Variants in FER observed in about 807,000 individuals in gnomAD.
FER encodes the protein FER tyrosine kinase.
A neutral mutation model predicts 111.0 loss-of-function variants in FER; 63 were observed. The ratio of observed to expected loss-of-function variants is 0.57; its 90% CI spans 0.46 to 0.70. FER has a LOEUF of 0.70. Ranked by LOEUF, FER falls within the 30% of genes least tolerant of loss-of-function variation. The pLI is 0.00. For synonymous variants in FER, 327 were observed against 313.9 expected, an observed-to-expected ratio of 1.04 and a Z score of -0.44; for missense variants, 914 against 954.0, an observed-to-expected ratio of 0.96 and a Z score of 0.55.
chr5:109,102,363 C>T lies in FER; in HGVS notation c.2048+1844C>T, dbSNP rs563522417. 1.3e-4 allele frequency among the ~76,000 whole-genome samples: 20 copies of T among 152,120 alleles called. 1 individual carries two copies. The highest frequency in any genetic ancestry group is 3.4e-3 in the Middle Eastern group (1 of 294). Reference sequence around the variant, plus strand: ...ACATCTTGAACAATGTCAGTGAGAGCGGGTTTGACAAATAGGTTTCAACAC... The same window carrying T: ...ACATCTTGAACAATGTCAGTGAGAGTGGGTTTGACAAATAGGTTTCAACAC... On this transcript the variant is annotated intron_variant, in intron 17 of 19. Coordinates refer to ENST00000281092, the MANE Select transcript of FER (RefSeq NM_005246.4).
chr5:108,911,293 C>T (rs947144637), intron 10 of FER, among the ~76,000 whole-genome samples: 2 of 151,818 alleles, frequency 1.3e-5, no homozygotes, highest in East Asian at 1.9e-4. Flanking sequence ...GTGTTCATGT[C>T]GTTTGCCCAC....
chr5:109,130,252 T>C (rs1752214529), intron 17 of FER, among the ~76,000 whole-genome samples: 1 of 152,074 alleles, frequency 6.6e-6, no homozygotes, highest in African/African-American at 2.4e-5. Flanking sequence ...ATGTGACATA[T>C]AATAATTTGA....
intron 10 of FER, 84 bp downstream of exon 10, chr5:108,897,932 A>G (rs891099663): frequency 3.2e-6 from 4 of 1,240,080 alleles, no homozygotes; most frequent in East Asian, 2.6e-5. Context: ...TAAATTTGCT[A>G]TAACAAATTG....
At chr5:109,060,443 T>A (rs186491560) in intron 16 of FER, among the ~76,000 whole-genome samples, 1 of 152,224 alleles carries the variant, frequency 6.6e-6, no homozygotes. Context: ...AATAATACTT[T>A]GGGAGGCTGA....
chr5:109,181,787 A>G (rs1042850143), intron 18 of FER, among the ~76,000 whole-genome samples: 9 of 152,328 alleles, frequency 5.9e-5, no homozygotes, highest in Admixed American at 6.5e-5. Context: ...ATTACTTTAA[A>G]GTGAACAATC....
intron 5 of FER, among the ~76,000 whole-genome samples, chr5:108,839,767 T>C (rs1179067874): frequency 2.0e-5 from 3 of 151,738 alleles, no homozygotes; most frequent in Non-Finnish European, 2.9e-5. Flanking sequence ...TTAGTAGAGA[T>C]GGGGTTTCAC....
intron 13 of FER, among the ~76,000 whole-genome samples, chr5:108,974,151 C>T (rs1761028839): frequency 6.6e-6 from 1 of 152,044 alleles, no homozygotes; most frequent in Admixed American, 6.6e-5. Context: ...ATATTAGGTA[C>T]TGAGGATACA....
At chr5:109,138,856 A>G (rs576451404) in intron 17 of FER, among the ~76,000 whole-genome samples, 75 of 152,192 alleles carry the variant, frequency 4.9e-4, no homozygotes, top group Non-Finnish European at 9.4e-4. Context: ...ATTCAAAAAC[A>G]TTTTCAGAAA....
chr5:108,914,257 G>T (rs73781496), intron 10 of FER, among the ~76,000 whole-genome samples: 5 of 152,056 alleles, frequency 3.3e-5, no homozygotes, highest in Admixed American at 3.3e-4. Context: ...GTGTGTGTGT[G>T]TGTGTATGTG....
chr5:108,844,963 T>G (rs1458375067), intron 5 of FER, among the ~76,000 whole-genome samples: 2 of 128,086 alleles, frequency 1.6e-5, no homozygotes, highest in Non-Finnish European at 3.3e-5. Flanking sequence ...TAAAATGACA[T>G]TTTTGGATTG....
At chr5:109,131,186 A>T (rs1363258637) in intron 17 of FER, among the ~76,000 whole-genome samples, 2 of 152,158 alleles carry the variant, frequency 1.3e-5, no homozygotes, top group Admixed American at 6.6e-5. Flanking sequence ...AAATTGTAGG[A>T]TTATTTAGCA....
At chr5:108,866,851 T>A (rs1764119214) in intron 5 of FER, among the ~76,000 whole-genome samples, 1 of 152,180 alleles carries the variant, frequency 6.6e-6, no homozygotes, top group South Asian at 2.1e-4. Flanking sequence ...AATTTTCATT[T>A]CTTTATATCT....
chr5:109,035,775 G>A (rs750520734), intron 13 of FER, among the ~76,000 whole-genome samples: 5 of 152,128 alleles, frequency 3.3e-5, no homozygotes, highest in African/African-American at 7.2e-5. Flanking sequence ...TTTCACCAGC[G>A]ATACATAAGG....
At chr5:108,846,429 A>G (rs1762031641) in intron 5 of FER, among the ~76,000 whole-genome samples, 2 of 150,704 alleles carry the variant, frequency 1.3e-5, no homozygotes, top group Admixed American at 6.6e-5. Context: ...TTGTCTCTGG[A>G]AAAAAAAAGA....
At chr5:109,101,160 A>G (rs1000890890) in intron 17 of FER, among the ~76,000 whole-genome samples, 3 of 151,908 alleles carry the variant, frequency 2.0e-5, no homozygotes, top group African/African-American at 7.2e-5. Flanking sequence ...ATTGTTTTTT[A>G]GTGCTAAATG....
intron 5 of FER, among the ~76,000 whole-genome samples, chr5:108,839,109 C>T (rs569153669): frequency 1.3e-5 from 2 of 152,230 alleles, no homozygotes; most frequent in African/African-American, 2.4e-5. Context: ...ACCATCACTA[C>T]TAAACACATA....
At chr5:109,101,031 G>T (rs922498946) in intron 17 of FER, among the ~76,000 whole-genome samples, 2 of 151,872 alleles carry the variant, frequency 1.3e-5, no homozygotes, top group Non-Finnish European at 2.9e-5. Context: ...TCATGGCATC[G>T]TATTGAGAAA....
intron 16 of FER, among the ~76,000 whole-genome samples, chr5:109,075,999 A>T (rs1232640015): frequency 6.6e-6 from 1 of 152,106 alleles, no homozygotes; most frequent in Non-Finnish European, 1.5e-5. Context: ...AAAAAAAATT[A>T]GAAGCTATTT....
At chr5:109,098,005 T>G (rs908137658) in intron 16 of FER, among the ~76,000 whole-genome samples, 1 of 151,812 alleles carries the variant, frequency 6.6e-6, no homozygotes, top group African/African-American at 2.4e-5. Context: ...AAATTTACTT[T>G]CCTAGATTTA....
Sources: allele counts gnomAD v4.1 joint callset (sites outside exome capture counted in the v4.1 genomes callset), GRCh38; gene constraint gnomAD v4.1.1; transcripts MANE v1.5; gene names NCBI Gene and HGNC (gene_info 2026-07-23, HGNC 2026-07-21).